The following STXBP5 variants were observed in gnomAD, a reference collection of about 807,000 sequenced individuals.
The protein encoded by STXBP5 is syntaxin binding protein 5, also known as syntaxin-binding protein 5.
Under a neutral mutation model 152.4 loss-of-function variants are expected in STXBP5, and 50 were observed. That is an observed-to-expected ratio of 0.33 (90% CI 0.26 to 0.42). The LOEUF (loss-of-function observed/expected upper bound fraction) is 0.42. Ranked by LOEUF, STXBP5 falls within the 10% of genes least tolerant of loss-of-function variation. The probability of loss-of-function intolerance (pLI) is 1.00; values close to 1 mark genes in which losing one functional copy is unlikely to be tolerated. For missense variants in STXBP5, 1,167 were observed against 1,388.6 expected (o/e 0.84, Z 2.54); for synonymous variants, 492 against 494.7 (o/e 0.99, Z 0.07).
In STXBP5 at chr6:147,324,965, A is replaced by G; in HGVS notation, c.1809A>G (p.Lys603=). The G allele has an allele frequency of 6.5e-7, 1 of 1,536,952 alleles. No individual in the cohort carries two copies. ...ATGTTTTCTTTTATTTTAGAGTTAA[A>G]AACTCACCACTTAAACAGTCTCCAG... ...LRDNVPCLKV[K]NSPLKQSPGY... The change falls in exon 17 of 28, where the codon AAA becomes AAG. Residue 603 remains lysine (K), a synonymous_variant. Coordinates refer to ENST00000321680, the MANE Select transcript of STXBP5 (RefSeq NM_001127715.4).
intron 8 of STXBP5, among the ~76,000 whole-genome samples, chr6:147,285,045 G>A (rs759843091): frequency 6.6e-6 from 1 of 152,112 alleles, no homozygotes; most frequent in Non-Finnish European, 1.5e-5. Flanking sequence ...TCTGGAATTA[G>A]AATCAATAGG....
At chr6:147,304,445 G>A (rs1321709182) in intron 9 of STXBP5, among the ~76,000 whole-genome samples, 1 of 152,208 alleles carries the variant, frequency 6.6e-6, no homozygotes, top group Non-Finnish European at 1.5e-5. Flanking sequence ...CCAGGCAGAA[G>A]TTTGCTGCAG....
intron 16 of STXBP5, 32 bp from the exon 17 acceptor site, chr6:147,324,927 G>A: frequency 6.8e-7 from 1 of 1,460,476 alleles, no homozygotes; most frequent in Non-Finnish European, 9.1e-7. Context: ...GTTGAAAATG[G>A]TTTAAAGATA....
intron 21 of STXBP5, among the ~76,000 whole-genome samples, chr6:147,346,189 C>T (rs1411802209): frequency 6.6e-6 from 1 of 152,282 alleles, no homozygotes; most frequent in African/African-American, 2.4e-5. Flanking sequence ...TACAGTGAAA[C>T]GAGCTAGCTG....
In STXBP5 at chr6:147,385,026, G is replaced by T; in HGVS notation, c.*271G>T. 1 of 428,478 alleles carries T rather than the reference G, an allele frequency of 2.3e-6. No homozygotes were observed. Among genetic ancestry groups the T allele is most frequent in the South Asian group, 3.3e-5 (1 of 30,536 alleles). The allele number at this position is 428,478 out of a possible 1,614,324, so 26.5% of individuals were successfully genotyped here. On this transcript the variant is annotated 3_prime_UTR_variant, in exon 28 of 28. Transcript: ENST00000321680. Reference sequence around the variant, plus strand: ...CGTGACAGATGAAGAAACCAAGGGGGCTGCTGAGGAGACCTGGTGCAGGGA... The same window carrying T: ...CGTGACAGATGAAGAAACCAAGGGGTCTGCTGAGGAGACCTGGTGCAGGGA...
chr6:147,317,906 A>T (rs1440409678), intron 16 of STXBP5, among the ~76,000 whole-genome samples: 2 of 152,192 alleles, frequency 1.3e-5, no homozygotes, highest in South Asian at 4.1e-4. Flanking sequence ...GTTACATTTA[A>T]TTTTTATGAC....
At chr6:147,268,005 T>C (rs768191185) in intron 7 of STXBP5, among the ~76,000 whole-genome samples, 1 of 152,316 alleles carries the variant, frequency 6.6e-6, no homozygotes, top group Non-Finnish European at 1.5e-5. Flanking sequence ...ACAGTTCATA[T>C]AGCAAAGGCA....
intron 21 of STXBP5, among the ~76,000 whole-genome samples, chr6:147,340,609 C>T (rs1031670607): frequency 4.6e-5 from 7 of 152,040 alleles, no homozygotes; most frequent in African/African-American, 1.2e-4. Flanking sequence ...TTCCTACTTA[C>T]ATTTTACTAA....
chr6:147,356,299 T>G (rs1019622208), intron 22 of STXBP5, among the ~76,000 whole-genome samples: 1 of 152,058 alleles, frequency 6.6e-6, no homozygotes, highest in Non-Finnish European at 1.5e-5. Context: ...TATCTACTTT[T>G]TTCATATCAT....
intron 21 of STXBP5, among the ~76,000 whole-genome samples, chr6:147,341,838 C>T (rs937701633): frequency 2.6e-5 from 4 of 152,020 alleles, no homozygotes; most frequent in Admixed American, 6.6e-5. Context: ...ATGTATTTAG[C>T]CTTTATCTTA....
chr6:147,334,053 G>A, intron 18 of STXBP5, 104 bp from the exon 19 acceptor site: 1 of 1,083,892 alleles, frequency 9.2e-7, no homozygotes, highest in South Asian at 1.5e-5. Context: ...TAATTTATTG[G>A]GTTCTTTTAA....
chr6:147,206,089 T>C, intron 2 of STXBP5, 21 bp downstream of exon 2: 1 of 1,597,314 alleles, frequency 6.3e-7, no homozygotes, highest in Non-Finnish European at 8.6e-7. Flanking sequence ...TTTAATTTTA[T>C]TTTTTAACTT....
intron 5 of STXBP5, among the ~76,000 whole-genome samples, chr6:147,261,615 G>T (rs967598002): frequency 1.3e-5 from 2 of 151,960 alleles, no homozygotes; most frequent in African/African-American, 2.4e-5. Context: ...CTTGTAGCAA[G>T]AATATTATCA....
At chr6:147,230,250 A>G (rs1365195694) in intron 2 of STXBP5, among the ~76,000 whole-genome samples, 1 of 151,908 alleles carries the variant, frequency 6.6e-6, no homozygotes, top group Non-Finnish European at 1.5e-5. Context: ...AGGCTTTAAA[A>G]TGTTTTTTAG....
chr6:147,320,798 T>C (rs1279860161), intron 16 of STXBP5, among the ~76,000 whole-genome samples: 1 of 152,182 alleles, frequency 6.6e-6, no homozygotes, highest in Non-Finnish European at 1.5e-5. Context: ...TATCATAAAG[T>C]AATGGCTCTA....
intron 4 of STXBP5, among the ~76,000 whole-genome samples, chr6:147,243,213 A>C (rs538097295): frequency 7.1e-4 from 108 of 152,314 alleles, no homozygotes; most frequent in African/African-American, 2.5e-3. Context: ...CTAGCATTGA[A>C]TAAGAGGTCC....
chr6:147,338,331 A>T (rs1033463853), intron 19 of STXBP5, among the ~76,000 whole-genome samples: 1 of 152,074 alleles, frequency 6.6e-6, no homozygotes, highest in Non-Finnish European at 1.5e-5. Flanking sequence ...TAGATAAAAC[A>T]TTAAGGGAAC....
chr6:147,295,316 C>T (rs1024723919), intron 9 of STXBP5, among the ~76,000 whole-genome samples: 2 of 152,114 alleles, frequency 1.3e-5, no homozygotes, highest in South Asian at 4.1e-4. Flanking sequence ...AGTTAGTTTT[C>T]TCCAGAAATG....
intron 25 of STXBP5, among the ~76,000 whole-genome samples, chr6:147,366,133 G>A (rs971168237): frequency 6.6e-6 from 1 of 152,170 alleles, no homozygotes; most frequent in Non-Finnish European, 1.5e-5. Flanking sequence ...AGAGTTTGGG[G>A]ACACCAGGTA....
Sources: gnomAD v4.1 joint callset for allele counts (sites outside exome capture counted in the v4.1 genomes callset) on GRCh38, gnomAD v4.1.1 for gene constraint, MANE v1.5 for transcripts, NCBI Gene and HGNC (gene_info 2026-07-23, HGNC 2026-07-21) for gene names.